The following FBXL7 variants were observed in gnomAD, a reference collection of about 807,000 sequenced individuals.
FBXL7 encodes the protein F-box/LRR-repeat protein 7.
A neutral mutation model predicts 38.3 loss-of-function variants in FBXL7; 12 were observed. The ratio of observed to expected loss-of-function variants is 0.31; its 90% CI spans 0.20 to 0.51. FBXL7 has a LOEUF of 0.51. Ranked by LOEUF, FBXL7 falls within the 20% of genes least tolerant of loss-of-function variation. The probability of loss-of-function intolerance (pLI) is 0.98; values close to 1 mark genes in which losing one functional copy is unlikely to be tolerated. For missense variants in FBXL7, 567 were observed against 676.4 expected, an observed-to-expected ratio of 0.84 and a Z score of 1.79; for synonymous variants, 297 against 300.9, an observed-to-expected ratio of 0.99 and a Z score of 0.13.
chr5:15,518,152 G>C (rs1173006192), intron 1 of FBXL7, among the ~76,000 whole-genome samples: 2 of 151,934 alleles, frequency 1.3e-5, no homozygotes, highest in Non-Finnish European at 2.9e-5. Flanking sequence ...CACCATGCCG[G>C]GCTAATTTTT....
chr5:15,775,381 A>C (rs1353995243), intron 2 of FBXL7, among the ~76,000 whole-genome samples: 3 of 145,834 alleles, frequency 2.1e-5, no homozygotes, highest in African/African-American at 7.6e-5. Flanking sequence ...CTACCCCACC[A>C]TATACACACA....
intron 1 of FBXL7, among the ~76,000 whole-genome samples, chr5:15,573,417 A>T (rs1233314530): frequency 6.6e-6 from 1 of 152,128 alleles, no homozygotes; most frequent in Non-Finnish European, 1.5e-5. Context: ...AAAAAAATAG[A>T]TTTTTCCCTT....
intron 1 of FBXL7, among the ~76,000 whole-genome samples, chr5:15,569,862 C>T (rs1437808131): frequency 6.6e-6 from 1 of 152,150 alleles, no homozygotes; most frequent in South Asian, 2.1e-4. Context: ...TGGTTTTTGT[C>T]GTTGGTTCTG....
intron 2 of FBXL7, among the ~76,000 whole-genome samples, chr5:15,666,542 GT>G (rs1742285228): frequency 6.6e-6 from 1 of 152,160 alleles, no homozygotes; most frequent in Non-Finnish European, 1.5e-5. Context: ...AATCTCTACA[GT>G]TTGGGGAGTG....
At chr5:15,868,060 C>T (rs953629072) in intron 2 of FBXL7, among the ~76,000 whole-genome samples, 3 of 149,132 alleles carry the variant, frequency 2.0e-5, no homozygotes, top group African/African-American at 5.0e-5. Flanking sequence ...GCTGAGATTG[C>T]GCCACTGTAC....
intron 2 of FBXL7, among the ~76,000 whole-genome samples, chr5:15,742,442 C>T (rs190124881): frequency 2.6e-5 from 4 of 152,288 alleles, no homozygotes; most frequent in Admixed American, 6.5e-5. Flanking sequence ...ATGTCCACTT[C>T]GCTGATGGCT....
intron 2 of FBXL7, among the ~76,000 whole-genome samples, chr5:15,654,316 T>C (rs1741805328): frequency 1.3e-5 from 2 of 151,908 alleles, no homozygotes; most frequent in Admixed American, 1.3e-4. Context: ...ATTTATATAA[T>C]TGAGAAAGAA....
intron 2 of FBXL7, among the ~76,000 whole-genome samples, chr5:15,705,560 T>C (rs1269276059): frequency 6.6e-6 from 1 of 152,168 alleles, no homozygotes; most frequent in African/African-American, 2.4e-5. Flanking sequence ...TAATGAAAAA[T>C]TATCACTAGA....
intron 2 of FBXL7, among the ~76,000 whole-genome samples, chr5:15,881,460 A>G (rs575614177): frequency 6.6e-6 from 1 of 152,306 alleles, no homozygotes; most frequent in East Asian, 1.9e-4. Context: ...ATATTTTTGC[A>G]ATTGCAGATT....
intron 1 of FBXL7, among the ~76,000 whole-genome samples, chr5:15,554,151 G>C (rs1399481819): frequency 1.3e-5 from 2 of 152,174 alleles, no homozygotes; most frequent in Non-Finnish European, 2.9e-5. Flanking sequence ...GGGGGCCAGA[G>C]CCTCCTGGTT....
chr5:15,552,709 T>G (rs1222220961), intron 1 of FBXL7, among the ~76,000 whole-genome samples: 2 of 152,202 alleles, frequency 1.3e-5, no homozygotes, highest in Non-Finnish European at 2.9e-5. Context: ...AGGCATGATA[T>G]TTTCAAACGC....
intron 2 of FBXL7, among the ~76,000 whole-genome samples, chr5:15,643,978 G>T (rs1472656324): frequency 1.3e-5 from 2 of 152,008 alleles, no homozygotes; most frequent in Non-Finnish European, 2.9e-5. Flanking sequence ...CATTGTTTTG[G>T]CACTTCGTAC....
chr5:15,607,069 C>T (rs919143390), intron 1 of FBXL7: 2 of 152,120 alleles, frequency 1.3e-5, no homozygotes, highest in Non-Finnish European at 2.9e-5. Context: ...TTTCAAGATA[C>T]CAGTCAGGAA....
chr5:15,516,150 C>T (rs1475599568), intron 1 of FBXL7, among the ~76,000 whole-genome samples: 1 of 151,988 alleles, frequency 6.6e-6, no homozygotes, highest in Non-Finnish European at 1.5e-5. Context: ...TTTCAGTCTG[C>T]TCTTCTATAT....
intron 2 of FBXL7, among the ~76,000 whole-genome samples, chr5:15,703,187 A>C (rs1278758458): frequency 6.6e-6 from 1 of 152,218 alleles, no homozygotes; most frequent in Non-Finnish European, 1.5e-5. Flanking sequence ...CTAAATTTGG[A>C]GTAAATACTG....
At chr5:15,737,895 T>G (rs189827906) in intron 2 of FBXL7, among the ~76,000 whole-genome samples, 2 of 152,334 alleles carry the variant, frequency 1.3e-5, no homozygotes, top group Admixed American at 6.5e-5. Flanking sequence ...TGTTACCATC[T>G]TTGCTCATTC....
intron 2 of FBXL7, among the ~76,000 whole-genome samples, chr5:15,647,057 G>A (rs1741553708): frequency 6.6e-6 from 1 of 152,154 alleles, no homozygotes; most frequent in African/African-American, 2.4e-5. Context: ...TAGGGACTGT[G>A]GAACTCTTAT....
At chr5:15,675,819 G>T (rs563412925) in intron 2 of FBXL7, among the ~76,000 whole-genome samples, 1 of 152,086 alleles carries the variant, frequency 6.6e-6, no homozygotes, top group Non-Finnish European at 1.5e-5. Flanking sequence ...GATTTCTTTC[G>T]ACACCGAAGA....
intron 2 of FBXL7, among the ~76,000 whole-genome samples, chr5:15,669,189 T>A (rs561331120): frequency 4.2e-4 from 64 of 152,196 alleles, no homozygotes; most frequent in Non-Finnish European, 6.9e-4. Flanking sequence ...TAATTTTTTT[T>A]AAAAAAAGGA....
Sources: gnomAD v4.1 joint callset for allele counts (sites outside exome capture counted in the v4.1 genomes callset) on GRCh38, gnomAD v4.1.1 for gene constraint, MANE v1.5 for transcripts, NCBI Gene and HGNC (gene_info 2026-07-23, HGNC 2026-07-21) for gene names.